The following ZNF462 variants were observed in gnomAD, a reference collection of about 807,000 sequenced individuals.
ZNF462 encodes the protein zinc finger protein 462.
A neutral mutation model predicts 201.9 loss-of-function variants in ZNF462; 10 were observed. The observed-to-expected ratio is 0.05, with a 90% CI of 0.03 to 0.08. ZNF462 has a LOEUF of 0.08. Among genes scored for constraint, ZNF462 ranks in the 10% least tolerant of loss-of-function variants. The pLI is 1.00. For synonymous variants in ZNF462, 1,227 were observed against 1,193.3 expected (o/e 1.03, Z -0.58); for missense variants, 2,523 against 3,168.3 (o/e 0.80, Z 4.89).
At chr9:106,868,941 A>C (rs1201859017) in intron 1 of ZNF462, among the ~76,000 whole-genome samples, 1 of 152,206 alleles carries the variant, frequency 6.6e-6, no homozygotes, top group African/African-American at 2.4e-5. Context: ...TTTCATTCAT[A>C]GATCCAGAGC....
intron 1 of ZNF462, among the ~76,000 whole-genome samples, chr9:106,894,819 G>C (rs1828742516): frequency 6.6e-6 from 1 of 152,108 alleles, no homozygotes; most frequent in Non-Finnish European, 1.5e-5. Context: ...TATCTCATTA[G>C]TAAGTTTTAT....
intron 7 of ZNF462, 95 bp from the exon 8 acceptor site, chr9:106,971,901 AGTAAAGCTG>A: frequency 7.2e-7 from 1 of 1,383,344 alleles, no homozygotes; most frequent in South Asian, 1.4e-5. Context: ...ATTATACCTT[AGTAAAGCTG>A]GAGGGTAAAA....
At chr9:106,868,926 C>A (rs935295665) in intron 1 of ZNF462, among the ~76,000 whole-genome samples, 1 of 152,116 alleles carries the variant, frequency 6.6e-6, no homozygotes, top group Non-Finnish European at 1.5e-5. Context: ...CAGGGTTGAG[C>A]GTGGTTTCAT....
chr9:106,987,010 T>C (rs1012287274), intron 10 of ZNF462, among the ~76,000 whole-genome samples: 5 of 151,996 alleles, frequency 3.3e-5, no homozygotes, highest in African/African-American at 7.2e-5. Context: ...GATAGATAGA[T>C]AGATAGATAG....
chr9:106,914,703 G>A (rs1044031333), intron 1 of ZNF462, among the ~76,000 whole-genome samples: 2 of 152,296 alleles, frequency 1.3e-5, no homozygotes, highest in Admixed American at 6.5e-5. Context: ...TTGTGTTCTG[G>A]TGGGAAGAAA....
Position 106,928,888 on chromosome 9 carries a change from T to G in ZNF462, c.4976T>G (p.Val1659Gly), listed in dbSNP as rs759674088. Residue 1659 changes from valine (V) to glycine (G), a missense_variant, in exon 3 of 13, where the codon GTG becomes GGG. Coordinates refer to ENST00000277225, the MANE Select transcript of ZNF462 (RefSeq NM_021224.6). The surrounding 1 kb of genome is among the most constrained non-coding windows in gnomAD (Gnocchi z 9.3). ...ACCTCCCACCTGGTCTCCCACACTGTGTTCCGGTGCCAGCTCTGCAAGTAC... is the reference window on the plus strand; with the variant it reads ...ACCTCCCACCTGGTCTCCCACACTGGGTTCCGGTGCCAGCTCTGCAAGTAC... ...FSTSHLVSHTVFRCQLCKYFC... is the reference protein window; with the variant it reads ...FSTSHLVSHTGFRCQLCKYFC... 17 of 1,613,952 alleles carry G rather than the reference T, an allele frequency of 1.1e-5. No homozygotes were observed.
In ZNF462 at chr9:106,923,165, T is replaced by C. The variant is rs371133199; in HGVS notation, c.-30-189T>C. ...TGGTATTTTTCCTTCTTTGAAGTTA[T>C]GAGGTCAAGGACATCATCTCCATTA... On this transcript the variant is annotated intron_variant, in intron 1 of 12. Coordinates refer to ENST00000277225, the MANE Select transcript of ZNF462 (RefSeq NM_021224.6). This position sits in a 1 kb window ranked among gnomAD's most constrained non-coding sequence, Gnocchi z 5.6. 1.3e-5 allele frequency among the ~76,000 whole-genome samples: 2 copies of C among 152,262 alleles called. No homozygotes were observed. Among genetic ancestry groups the C allele is most frequent in the African/African-American group, 4.8e-5 (2 of 41,470 alleles).
intron 1 of ZNF462, among the ~76,000 whole-genome samples, chr9:106,888,833 C>T (rs754555815): frequency 6.6e-6 from 1 of 152,202 alleles, no homozygotes; most frequent in Non-Finnish European, 1.5e-5. Context: ...TTTGAAGTGC[C>T]ACCATTTATA....
chr9:107,013,344 C>G lies in ZNF462; in HGVS notation c.*2314C>G, dbSNP rs1312066119. 3 of 152,054 alleles carry G rather than the reference C, an allele frequency of 2.0e-5. No individual in the cohort carries two copies. The highest frequency in any genetic ancestry group is 2.0e-4 in the Admixed American group (3 of 15,258). 9.4% of individuals were successfully genotyped at this position (152,054 alleles called of 1,614,324 possible). A position where few individuals can be genotyped will look rare whatever the true frequency, so the allele number is the denominator to read the frequency against. On this transcript the variant is annotated 3_prime_UTR_variant, in exon 13 of 13. Transcript: ENST00000277225. Reference sequence around the variant, plus strand: ...GGATGCATTATTATAATTCTGTTGACTGTAATGACATAGAATTTACAACAT... The same window carrying G: ...GGATGCATTATTATAATTCTGTTGAGTGTAATGACATAGAATTTACAACAT...
Position 106,913,834 on chromosome 9 carries a change from T to C in ZNF462, c.-30-9520T>C, listed in dbSNP as rs1163552634. Among the ~76,000 whole-genome samples, 1 of 150,486 alleles carries C rather than the reference T, an allele frequency of 6.6e-6. No homozygotes were observed. The highest frequency in any genetic ancestry group is 1.9e-4 in the East Asian group (1 of 5,166). ...CTAGGCTGGTCTCGAACTCCTTACC[T>C]CAAGTGATCTGCCCGCCTCAGCCTC... On this transcript the variant is annotated intron_variant, in intron 1 of 12. Coordinates refer to ENST00000277225, the MANE Select transcript of ZNF462 (RefSeq NM_021224.6). The surrounding 1 kb of genome is among the most constrained non-coding windows in gnomAD (Gnocchi z 4.1).
chr9:106,977,189 C>T lies in ZNF462; in HGVS notation c.6832+2916C>T, dbSNP rs1055964633. On this transcript the variant is annotated intron_variant, in intron 9 of 12. Transcript: ENST00000277225. The surrounding 1 kb of genome is among the most constrained non-coding windows in gnomAD (Gnocchi z 4.6). ...CAGTAGGAAGCTGACCTTGACAAGT[C>T]GAGAGACAGAGCTGCATGTCTGCCT... Among the ~76,000 whole-genome samples the T allele has an allele frequency of 2.0e-5, 3 of 152,106 alleles. No individual in the cohort carries two copies. Among genetic ancestry groups the T allele is most frequent in the East Asian group, 3.9e-4 (2 of 5,184 alleles).
At chr9:106,952,566 A>C (rs1008370100) in intron 7 of ZNF462, among the ~76,000 whole-genome samples, 14 of 152,158 alleles carry the variant, frequency 9.2e-5, no homozygotes, top group African/African-American at 3.4e-4. Context: ...TGTTGATATA[A>C]ATTTATCTGA....
rs1294997317 is a variant in ZNF462, at chr9:106,902,608, T to C, written c.-30-20746T>C. Among the ~76,000 whole-genome samples the C allele has an allele frequency of 6.6e-6, 1 of 152,212 alleles. No individual in the cohort carries two copies. Among genetic ancestry groups the C allele is most frequent in the Non-Finnish European group, 1.5e-5 (1 of 68,034 alleles). On this transcript the variant is annotated intron_variant, in intron 1 of 12. Coordinates refer to ENST00000277225, the MANE Select transcript of ZNF462 (RefSeq NM_021224.6). This position sits in a 1 kb window ranked among gnomAD's most constrained non-coding sequence, Gnocchi z 4.2. ...ATCATTTCAATCTCACTGCTTGTTA[T>C]TGGTCTGTTCAGGGTACCTAATTCT...
Position 106,872,758 on chromosome 9 carries a change from G to C in ZNF462, c.-31+9403G>C, listed in dbSNP as rs1827648929. Among the ~76,000 whole-genome samples the C allele has an allele frequency of 6.6e-6, 1 of 152,094 alleles. No individual in the cohort carries two copies. Among genetic ancestry groups the C allele is most frequent in the Non-Finnish European group, 1.5e-5 (1 of 68,026 alleles). ...TGAATATTGTCTGTTCTAATACTGGGTAAGAACAATAGAAAATAAATATGA... is the reference window on the plus strand; with the variant it reads ...TGAATATTGTCTGTTCTAATACTGGCTAAGAACAATAGAAAATAAATATGA... On this transcript the variant is annotated intron_variant, in intron 1 of 12. Coordinates refer to ENST00000277225, the MANE Select transcript of ZNF462 (RefSeq NM_021224.6). The surrounding 1 kb of genome is among the most constrained non-coding windows in gnomAD (Gnocchi z 4.5).
At chr9:106,999,847 T>A (rs948139603) in intron 10 of ZNF462, among the ~76,000 whole-genome samples, 3 of 152,136 alleles carry the variant, frequency 2.0e-5, no homozygotes, top group Admixed American at 2.0e-4. Flanking sequence ...AATAACACCC[T>A]CTCTTAATCT....
intron 7 of ZNF462, among the ~76,000 whole-genome samples, chr9:106,959,033 C>T (rs1051042575): frequency 3.7e-4 from 56 of 152,242 alleles, no homozygotes; most frequent in Admixed American, 2.0e-3. Context: ...CCTGAGATGA[C>T]TTTTTGAAGC....
In ZNF462 at chr9:106,913,699, A is replaced by T. The variant is rs1829647972; in HGVS notation, c.-30-9655A>T. On this transcript the variant is annotated intron_variant, in intron 1 of 12. Coordinates refer to ENST00000277225, the MANE Select transcript of ZNF462 (RefSeq NM_021224.6). This position sits in a 1 kb window ranked among gnomAD's most constrained non-coding sequence, Gnocchi z 4.1. ...TGCAACCTCTGTCTCCCAGGCTCAA[A>T]CAGTTTTCCTGCCTCAGCCTCCCGA... is the stretch of plus-strand genomic sequence containing the variant. Among the ~76,000 whole-genome samples the T allele has an allele frequency of 7.1e-6, 1 of 140,000 alleles. No homozygotes were observed. Among genetic ancestry groups the T allele is most frequent in the South Asian group, 2.7e-4 (1 of 3,720 alleles). 91.8% of individuals were successfully genotyped at this position (140,000 alleles called of 152,430 possible). A position where few individuals can be genotyped will look rare whatever the true frequency, so the allele number is the denominator to read the frequency against.
rs1215338725 is a variant in ZNF462 at position 106,966,141 on chromosome 9, T to C, written c.6428-5864T>C. On this transcript the variant is annotated intron_variant, in intron 7 of 12. Transcript: ENST00000277225. The surrounding 1 kb of genome is among the most constrained non-coding windows in gnomAD (Gnocchi z 4.4). ...AACCATTAGTTGCTAAATAGTCTGC[T>C]TTTCAGAAGAAAATTACAATCCATG... Among the ~76,000 whole-genome samples, 3 of 152,112 alleles carry C rather than the reference T, an allele frequency of 2.0e-5. No homozygotes were observed. Among genetic ancestry groups the C allele is most frequent in the Admixed American group, 6.6e-5 (1 of 15,252 alleles).
intron 4 of ZNF462, among the ~76,000 whole-genome samples, chr9:106,931,976 G>A (rs1029085208): frequency 6.6e-6 from 1 of 152,152 alleles, no homozygotes; most frequent in African/African-American, 2.4e-5. Flanking sequence ...TTTAAGATGG[G>A]GAAGAAGTGA....
Sources: gnomAD v4.1 joint callset for allele counts (sites outside exome capture counted in the v4.1 genomes callset) on GRCh38, gnomAD v4.1.1 for gene constraint, Gnocchi (gnomAD v3.1) non-coding constraint, MANE v1.5 for transcripts, NCBI Gene and HGNC (gene_info 2026-07-23, HGNC 2026-07-21) for gene names.